The following CSTL1 variants were observed in gnomAD, a reference collection of about 807,000 sequenced individuals.
CSTL1 encodes the protein cystatin-like 1.
A neutral mutation model predicts 14.4 loss-of-function variants in CSTL1; 14 were observed. The observed-to-expected ratio is 0.97, with a 90% confidence interval of 0.64 to 1.52. CSTL1 has a LOEUF of 1.52. Among genes scored for constraint, CSTL1 ranks in the 40% most tolerant of loss-of-function variants. The probability of loss-of-function intolerance (pLI) is 0.00; values close to 1 mark genes in which losing one functional copy is unlikely to be tolerated. For missense variants in CSTL1, 170 were observed against 168.7 expected (o/e 1.01, Z -0.04); for synonymous variants, 72 against 67.5 (o/e 1.07, Z -0.33).
the CSTL1 span, among the ~76,000 whole-genome samples, chr20:23,454,433 C>G: frequency 6.6e-6 from 1 of 152,076 alleles, no homozygotes; most frequent in Non-Finnish European, 1.5e-5. Context: ...CCCACACTCA[C>G]GCTAAAACAC....
At chr20:23,444,747 T>C (rs1374262404) in intron 3 of CSTL1, 24 bp from the exon 4 acceptor site, 1 of 1,513,248 alleles carries the variant, frequency 6.6e-7, no homozygotes, top group African/African-American at 1.4e-5. Context: ...TCCCCCAAAG[T>C]CTGTTTTCTT....
chr20:23,450,262 G>A, the CSTL1 span: 1 of 379,240 alleles, frequency 2.6e-6, no homozygotes. Context: ...CTACCATGAA[G>A]GCATAGGTGA....
intron 2 of CSTL1, 102 bp from the exon 3 acceptor site, chr20:23,443,832 C>A: frequency 1.3e-6 from 1 of 786,590 alleles, no homozygotes; most frequent in Non-Finnish European, 2.1e-6. Flanking sequence ...CGAACAAGAA[C>A]TGTGGCCCTG....
At chr20:23,452,536 G>A in the CSTL1 span, 6 of 1,228,784 alleles carry the variant, frequency 4.9e-6, no homozygotes, top group African/African-American at 3.0e-5. Context: ...GTGGCCACCC[G>A]ATGTGGGCGT....
At position 23,444,834 on chromosome 20, in the gene CSTL1, A is replaced by G. The variant is rs768074484; in HGVS notation, c.394A>G (p.Asn132Asp). The change falls in exon 4 of 4, where the codon AAT becomes GAT. Residue 132 changes from asparagine (N) to aspartate (D), a missense_variant. Transcript: ENST00000347397. ...PWINYFQLWN[N>D]SCLEAEHVGR... ...GATAAACTATTTCCAGCTCTGGAAC[A>G]ATTCCTGTCTGGAGGCCGAGCATGT... is the stretch of plus-strand genomic sequence containing the variant. 1 of 1,614,070 alleles carries G rather than the reference A, an allele frequency of 6.2e-7. No homozygotes were observed. Among genetic ancestry groups the G allele is most frequent in the South Asian group, 1.1e-5 (1 of 91,074 alleles).
chr20:23,457,829 T>C, the CSTL1 span: 1 of 152,232 alleles, frequency 6.6e-6, no homozygotes. Context: ...TTGCTACCTG[T>C]TTGCTGCAAA....
chr20:23,447,511 C>T (rs1021189086), downstream of CSTL1, among the ~76,000 whole-genome samples: 1 of 150,724 alleles, frequency 6.6e-6, no homozygotes. Flanking sequence ...TCTTGTTGCC[C>T]AGGCCGCAGT....
intron 2 of CSTL1, 176 bp downstream of exon 2, chr20:23,440,662 C>A (rs1422375895): frequency 5.7e-6 from 4 of 702,098 alleles, no homozygotes; most frequent in Non-Finnish European, 1.0e-5. Flanking sequence ...CCCAGAATGT[C>A]CTTAGCCATG....
At chr20:23,460,907 T>A in the CSTL1 span, among the ~76,000 whole-genome samples, 2 of 152,206 alleles carry the variant, frequency 1.3e-5, no homozygotes, top group Non-Finnish European at 2.9e-5. Flanking sequence ...GATGAAAAGC[T>A]ACTCGCCTCC....
chr20:23,444,356 C>A (rs1171456325), intron 3 of CSTL1, among the ~76,000 whole-genome samples: 7 of 152,246 alleles, frequency 4.6e-5, no homozygotes, highest in African/African-American at 1.7e-4. Context: ...CTCTCCAGGT[C>A]TCTAAGGTTG....
the CSTL1 span, among the ~76,000 whole-genome samples, chr20:23,449,949 G>A: frequency 6.6e-6 from 1 of 152,182 alleles, no homozygotes; most frequent in Non-Finnish European, 1.5e-5. Context: ...ATTAGAAAGT[G>A]CACTTGCTTG....
intron 2 of CSTL1, among the ~76,000 whole-genome samples, chr20:23,443,128 T>G (rs1253383168): frequency 6.6e-6 from 1 of 152,160 alleles, no homozygotes; most frequent in Non-Finnish European, 1.5e-5. Context: ...AAACTGGCAT[T>G]ATTCTCCTCA....
chr20:23,460,347 T>G, the CSTL1 span, among the ~76,000 whole-genome samples: 1 of 152,190 alleles, frequency 6.6e-6, no homozygotes, highest in Non-Finnish European at 1.5e-5. Flanking sequence ...AGAAGTATCC[T>G]TTGTATTTGT....
the CSTL1 span, among the ~76,000 whole-genome samples, chr20:23,458,856 C>T: frequency 6.6e-6 from 1 of 152,136 alleles, no homozygotes; most frequent in Non-Finnish European, 1.5e-5. Context: ...ACTCCTTTTC[C>T]TCACCTTCCC....
the CSTL1 span, among the ~76,000 whole-genome samples, chr20:23,460,650 A>T: frequency 6.6e-6 from 1 of 152,188 alleles, no homozygotes; most frequent in Non-Finnish European, 1.5e-5. Context: ...TTTAAAGGGA[A>T]AAGTGTGGGA....
chr20:23,459,018 G>C, the CSTL1 span: 1 of 152,250 alleles, frequency 6.6e-6, no homozygotes, highest in Non-Finnish European at 1.5e-5. Flanking sequence ...CTTGGTAGGG[G>C]ATTCCCCTCT....
chr20:23,459,631 T>C, the CSTL1 span, among the ~76,000 whole-genome samples: 5 of 152,182 alleles, frequency 3.3e-5, no homozygotes, highest in African/African-American at 1.2e-4. Context: ...TACCCAGTCA[T>C]ATGGTCCCAT....
At chr20:23,445,694 T>C (rs1259309382), downstream of CSTL1, among the ~76,000 whole-genome samples, 1 of 152,184 alleles carries the variant, frequency 6.6e-6, no homozygotes, top group African/African-American at 2.4e-5. Context: ...GGAGCCCTAT[T>C]TCTTCCCAGC....
chr20:23,452,085 T>C, the CSTL1 span, among the ~76,000 whole-genome samples: 1 of 152,232 alleles, frequency 6.6e-6, no homozygotes, highest in African/African-American at 2.4e-5. Context: ...GTTTTTGTCA[T>C]TCCAAGAGAA....
Sources: gnomAD v4.1 joint callset for allele counts (sites outside exome capture counted in the v4.1 genomes callset) on GRCh38, gnomAD v4.1.1 for gene constraint, MANE v1.5 for transcripts, NCBI Gene and HGNC (gene_info 2026-07-23, HGNC 2026-07-21) for gene names.